TNN: variants seen among roughly 807,000 people sequenced by gnomAD.
The protein encoded by TNN is tenascin N.
A neutral mutation model predicts 134.4 loss-of-function variants in TNN; 122 were observed. The ratio of observed to expected loss-of-function variants is 0.91; its 90% CI spans 0.78 to 1.06. The LOEUF (loss-of-function observed/expected upper bound fraction) is 1.06. Among genes scored for constraint, TNN ranks in the 50% least tolerant of loss-of-function variants. TNN has a pLI of 0.00. For missense variants in TNN, 1,739 were observed against 1,699.4 expected (o/e 1.02, Z -0.41); for synonymous variants, 710 against 670.3 (o/e 1.06, Z -0.91).
chr1:175,128,112 T>G lies in TNN; in HGVS notation c.3126T>G (p.Val1042=). The change falls in exon 14 of 19, where the codon GTT becomes GTG. Residue 1042 remains valine, a synonymous_variant. Coordinates refer to ENST00000239462, the MANE Select transcript of TNN (RefSeq NM_022093.2). ...EQGATYPVSL[V]AFKGGRRSRN... ...GCGCCACCTACCCTGTCTCCCTTGT[T>G]GCCTTTAAGGGTGGTCGCCGGAGCA... 1 of 1,613,900 alleles carries G rather than the reference T, an allele frequency of 6.2e-7. No individual in the cohort carries two copies. The highest frequency in any genetic ancestry group is 1.3e-5 in the African/African-American group (1 of 75,044).
chr1:175,086,943 C>G (rs1365424198), intron 6 of TNN, among the ~76,000 whole-genome samples: 1 of 152,146 alleles, frequency 6.6e-6, no homozygotes, highest in East Asian at 1.9e-4. Context: ...TCATTTAGTT[C>G]TCACAGCAAT....
intron 6 of TNN, 133 bp from the exon 7 acceptor site, chr1:175,093,857 T>C (rs1035816942): frequency 3.5e-6 from 3 of 861,930 alleles, no homozygotes; most frequent in Non-Finnish European, 1.8e-6. Flanking sequence ...TTGTCACTGA[T>C]GATGGAGAGA....
In TNN at chr1:175,144,444, A is replaced by G. The variant is rs1197394458; in HGVS notation, c.3653A>G (p.Asp1218Gly). The G allele has an allele frequency of 6.2e-7, 1 of 1,614,190 alleles. No homozygotes were observed. Among genetic ancestry groups the G allele is most frequent in the Non-Finnish European group, 8.5e-7 (1 of 1,180,006 alleles). The change falls in exon 18 of 19, where the codon GAT (aspartate) becomes GGT (glycine). Residue 1218 changes from aspartate to glycine, a missense_variant. Transcript: ENST00000239462. Reference sequence around the variant, plus strand: ...TTTACAACTTTTGACAGAGACAATGATATCGCACTCAGCAACTGTGCCCTG... The same window carrying G: ...TTTACAACTTTTGACAGAGACAATGGTATCGCACTCAGCAACTGTGCCCTG... ...WKFTTFDRDN[D>G]IALSNCALTH...
intron 4 of TNN, among the ~76,000 whole-genome samples, chr1:175,081,078 T>C (rs530230138): frequency 6.6e-6 from 1 of 152,322 alleles, no homozygotes; most frequent in East Asian, 1.9e-4. Context: ...TCCTGCCCTC[T>C]GATCTGCTGG....
At chr1:175,129,544 G>A (rs938708848) in intron 15 of TNN, among the ~76,000 whole-genome samples, 1 of 150,862 alleles carries the variant, frequency 6.6e-6, no homozygotes, top group Non-Finnish European at 1.5e-5. Flanking sequence ...ATCTAGTAAT[G>A]CCTTATATGT....
chr1:175,077,349 T>A, intron 1 of TNN, 35 bp from the exon 2 acceptor site: 2 of 1,500,438 alleles, frequency 1.3e-6, no homozygotes, highest in Non-Finnish European at 1.8e-6. Flanking sequence ...TCAGCACATC[T>A]CCGTGGCTTT....
At chr1:175,104,844 G>A (rs1195380753) in intron 9 of TNN, among the ~76,000 whole-genome samples, 1 of 145,906 alleles carries the variant, frequency 6.9e-6, no homozygotes, top group Non-Finnish European at 1.5e-5. Context: ...AGCCGCTCGA[G>A]GAAGGCAGAA....
At position 175,147,047 on chromosome 1, in the gene TNN, G is replaced by T; in HGVS notation, c.3876G>T (p.Leu1292=). 2 of 1,591,076 alleles carry T rather than the reference G, an allele frequency of 1.3e-6. No individual in the cohort carries two copies. Among genetic ancestry groups the T allele is most frequent in the Non-Finnish European group, 1.7e-6 (2 of 1,168,770 alleles). Residue 1292 remains leucine (L), a synonymous_variant, in exon 19 of 19, where the codon CTG becomes CTT. Coordinates refer to ENST00000239462, the MANE Select transcript of TNN (RefSeq NM_022093.2). ...EPVLGRKKRT[L]RGRLRTF is the part of the protein sequence containing the mutation. ...TCCTGGGCAGAAAGAAGCGGACGCT[G>T]AGAGGAAGGCTGCGAACGTTCTGAT...
chr1:175,081,202 C>T (rs1324021481), intron 4 of TNN, among the ~76,000 whole-genome samples: 2 of 152,240 alleles, frequency 1.3e-5, no homozygotes, highest in Non-Finnish European at 2.9e-5. Context: ...GAGGCTTGAT[C>T]TGGAGAAACA....
At chr1:175,103,167 A>G (rs1458481074) in intron 9 of TNN, among the ~76,000 whole-genome samples, 1 of 146,652 alleles carries the variant, frequency 6.8e-6, no homozygotes. Context: ...AGTAACAGCA[A>G]GATGGCTGCC....
At position 175,085,476 on chromosome 1, in the gene TNN, C is replaced by A. The variant is rs139808197; in HGVS notation, c.1306C>A (p.Leu436Ile). The change falls in exon 6 of 19, where the codon CTC (leucine) becomes ATC (isoleucine). Residue 436 changes from leucine (L) to isoleucine (I), a missense_variant. By Grantham distance (5) the Leu-to-Ile change is conservative. Transcript: ENST00000239462. ...MRGELEGKPI[L>I]LNGRTEIDSP... ...AGGAGAGCTGGAGGGCAAGCCGATC[C>A]TCCTGAATGGCAGGACAGGTGAGAG... The A allele has an allele frequency of 6.2e-7, 1 of 1,612,088 alleles. No individual in the cohort carries two copies. The highest frequency in any genetic ancestry group is 2.2e-5 in the East Asian group (1 of 44,840).
intron 6 of TNN, among the ~76,000 whole-genome samples, chr1:175,090,112 T>C (rs758478045): frequency 2.0e-5 from 3 of 152,246 alleles, no homozygotes; most frequent in Non-Finnish European, 2.9e-5. Context: ...AATAGGATTG[T>C]AAGCATTATT....
At chr1:175,145,367 A>G (rs1676037205) in intron 18 of TNN, among the ~76,000 whole-genome samples, 1 of 151,800 alleles carries the variant, frequency 6.6e-6, no homozygotes, top group Non-Finnish European at 1.5e-5. Flanking sequence ...AGCCTGGGTA[A>G]CATCGTGAAA....
At position 175,103,492 on chromosome 1, in the gene TNN, A is replaced by T. The variant is rs6678745; in HGVS notation, c.2119+4897A>T. ...TGTCTGAGAGGCAGATATGGGTTGAAGATCCACATAAGTAGAATATGCCTT... is the reference window on the plus strand; with the variant it reads ...TGTCTGAGAGGCAGATATGGGTTGATGATCCACATAAGTAGAATATGCCTT... On this transcript the variant is annotated intron_variant, in intron 9 of 18. Transcript: ENST00000239462. Among the ~76,000 whole-genome samples, 7 of 144,936 alleles carry T rather than the reference A, an allele frequency of 4.8e-5. 1 individual carries two copies. The highest frequency in any genetic ancestry group is 1.3e-4 in the African/African-American group (5 of 39,996).
chr1:175,143,514 T>G (rs1437923628), intron 17 of TNN, among the ~76,000 whole-genome samples: 1 of 105,054 alleles, frequency 9.5e-6, no homozygotes, highest in East Asian at 5.1e-4. Context: ...AGTGTTTGTG[T>G]GTAGGTGTGT....
rs182036672 is a variant in TNN at position 175,115,808 on chromosome 1, G to A, written c.2120-1131G>A. Among the ~76,000 whole-genome samples, 131 of 152,298 alleles carry A rather than the reference G, an allele frequency of 8.6e-4. 1 individual carries two copies. Among genetic ancestry groups the A allele is most frequent in the African/African-American group, 3.1e-3 (127 of 41,560 alleles). On this transcript the variant is annotated intron_variant, in intron 9 of 18. Transcript: ENST00000239462. ...GGGCTTAGTGCCTCTGAGAGCTGTA[G>A]GAGATCCCAGTGGTGAGGACTGTAG...
chr1:175,143,428 A>C (rs1558377512), intron 17 of TNN, among the ~76,000 whole-genome samples: 1 of 152,160 alleles, frequency 6.6e-6, no homozygotes, highest in African/African-American at 2.4e-5. Context: ...CAAAATAATT[A>C]AAGCAGTTTT....
chr1:175,127,064 G>T lies in TNN; in HGVS notation c.3024G>T (p.Gln1008His), dbSNP rs750454496. The change falls in exon 13 of 19, where the codon CAG (glutamine) becomes CAT (histidine). Residue 1008 changes from glutamine to histidine, a missense_variant. By Grantham distance (24) the Gln-to-His change is conservative. Transcript: ENST00000239462. The part of the protein sequence containing the change: ...AQIHGYILTY[Q>H]FPDGTVKEMQ... ...TCCACGGCTACATTCTGACTTACCAGTTCCCAGATGGCACAGTTAAGGTAC... is the reference window on the plus strand; with the variant it reads ...TCCACGGCTACATTCTGACTTACCATTTCCCAGATGGCACAGTTAAGGTAC... 18 of 1,613,850 alleles carry T rather than the reference G, an allele frequency of 1.1e-5. No homozygotes were observed. The highest frequency in any genetic ancestry group is 1.4e-5 in the Non-Finnish European group (16 of 1,179,980).
chr1:175,129,986 C>T (rs1675634616), intron 15 of TNN, among the ~76,000 whole-genome samples: 1 of 151,446 alleles, frequency 6.6e-6, no homozygotes, highest in Admixed American at 6.6e-5. Context: ...TTCTCTTGGG[C>T]CATTGTCTGC....
Sources: allele counts gnomAD v4.1 joint callset (sites outside exome capture counted in the v4.1 genomes callset), GRCh38; gene constraint gnomAD v4.1.1; transcripts MANE v1.5; gene names NCBI Gene and HGNC (gene_info 2026-07-23, HGNC 2026-07-21).